The following MTMR3 variants were observed in gnomAD, a reference collection of about 807,000 sequenced individuals.
The protein encoded by MTMR3 is phosphatidylinositol-3,5-bisphosphate 3-phosphatase MTMR3.
A neutral mutation model predicts 132.4 loss-of-function variants in MTMR3; 32 were observed. That is an observed-to-expected ratio of 0.24 (90% CI 0.18 to 0.32). The LOEUF (loss-of-function observed/expected upper bound fraction) is 0.32. MTMR3 is among the 10% of genes least tolerant of loss of function. The pLI is 1.00. For synonymous variants in MTMR3, 556 were observed against 550.3 expected (o/e 1.01, Z -0.14); for missense variants, 1,216 against 1,489.6 (o/e 0.82, Z 3.02).
At chr22:30,018,148 T>G in intron 16 of MTMR3, 76 bp downstream of exon 16, 1 of 1,422,176 alleles carries the variant, frequency 7.0e-7, no homozygotes, top group Non-Finnish European at 9.3e-7. Flanking sequence ...GCAGGGATGG[T>G]CAGAGATCAT....
At chr22:29,907,200 A>T (rs896275167) in intron 1 of MTMR3, among the ~76,000 whole-genome samples, 2 of 152,008 alleles carry the variant, frequency 1.3e-5, no homozygotes, top group African/African-American at 4.8e-5. Context: ...GGAGATCGAG[A>T]CCATCCTGGC....
chr22:29,974,405 C>A (rs1395797294), intron 3 of MTMR3, among the ~76,000 whole-genome samples: 1 of 152,192 alleles, frequency 6.6e-6, no homozygotes, highest in Non-Finnish European at 1.5e-5. Context: ...GGATTAAATG[C>A]ATTTTTGTGT....
At chr22:29,987,318 T>G (rs4820825) in intron 5 of MTMR3, 9,040 of 152,262 alleles carry the variant, frequency 0.059, 505 homozygotes, top group South Asian at 0.24. Flanking sequence ...GCAGGAAGCT[T>G]GTTCCTGAAA....
At chr22:29,922,758 A>G (rs2065441336) in intron 1 of MTMR3, among the ~76,000 whole-genome samples, 1 of 152,066 alleles carries the variant, frequency 6.6e-6, no homozygotes, top group South Asian at 2.1e-4. Flanking sequence ...GTACCATTTT[A>G]CATTCCTACC....
rs191246945 is a variant in MTMR3, at chr22:29,923,156, C to T, written c.-137-33880C>T. On this transcript the variant is annotated intron_variant, in intron 1 of 19. Coordinates refer to ENST00000401950, the MANE Select transcript of MTMR3 (RefSeq NM_021090.4). Reference sequence around the variant, plus strand: ...TCCTGGGTTCACGCCATTCTCCTGCCTCAGCCTCCTGAGTAGCTGGGACTA... The same window carrying T: ...TCCTGGGTTCACGCCATTCTCCTGCTTCAGCCTCCTGAGTAGCTGGGACTA... Among the ~76,000 whole-genome samples the T allele has an allele frequency of 1.9e-4, 29 of 151,972 alleles. No individual in the cohort carries two copies. The East Asian group carries it at 5.0e-3, about 26-fold the overall frequency.
At chr22:30,016,220 C>G in intron 14 of MTMR3, 1 of 290,382 alleles carries the variant, frequency 3.4e-6, no homozygotes. Flanking sequence ...TGTACACTGA[C>G]GTGCTCCTGC....
intron 1 of MTMR3, among the ~76,000 whole-genome samples, chr22:29,884,580 T>TTAA (rs1246201718): frequency 1.3e-5 from 1 of 77,476 alleles, no homozygotes; most frequent in Non-Finnish European, 2.6e-5. Flanking sequence ...TTTTTTTTTT[T>TTAA]AAGACAGAAT....
intron 1 of MTMR3, among the ~76,000 whole-genome samples, chr22:29,943,261 C>A (rs563091207): frequency 3.4e-4 from 52 of 151,664 alleles, no homozygotes; most frequent in Non-Finnish European, 6.2e-4. Context: ...GGCGCCATCT[C>A]GGCTCACTGC....
intron 1 of MTMR3, among the ~76,000 whole-genome samples, chr22:29,943,963 A>G (rs1034444638): frequency 2.0e-5 from 3 of 152,020 alleles, no homozygotes. Flanking sequence ...AGCTGGGACT[A>G]CAGGTATGCA....
Position 30,007,331 on chromosome 22 carries a change from C to T in MTMR3, c.877+12C>T, listed in dbSNP as rs892905064. 1 of 1,612,294 alleles carries T rather than the reference C, an allele frequency of 6.2e-7. No homozygotes were observed. Among genetic ancestry groups the T allele is most frequent in the Non-Finnish European group, 8.5e-7 (1 of 1,178,602 alleles). On this transcript the variant is annotated intron_variant, in intron 10 of 19. Transcript: ENST00000401950. ...TGACGTGGAGTTCGGTAAGGTGCTCCCTGGACCCATGGCAATGATTTTTAT... is the reference window on the plus strand; with the variant it reads ...TGACGTGGAGTTCGGTAAGGTGCTCTCTGGACCCATGGCAATGATTTTTAT...
chr22:29,977,489 A>G (rs1428881899), intron 3 of MTMR3, among the ~76,000 whole-genome samples: 2 of 152,222 alleles, frequency 1.3e-5, no homozygotes, highest in Non-Finnish European at 2.9e-5. Flanking sequence ...ACAGAAATCT[A>G]TTTTGTAATA....
chr22:29,930,841 A>G (rs907459803), intron 1 of MTMR3, among the ~76,000 whole-genome samples: 8 of 152,194 alleles, frequency 5.3e-5, no homozygotes, highest in African/African-American at 1.9e-4. Flanking sequence ...CTCTACAAAA[A>G]TATAAAAATA....
chr22:29,935,917 T>C (rs1407438199), intron 1 of MTMR3, among the ~76,000 whole-genome samples: 1 of 151,988 alleles, frequency 6.6e-6, no homozygotes, highest in Non-Finnish European at 1.5e-5. Context: ...CACGCCTGGC[T>C]AATTTTTAGT....
chr22:29,921,501 T>G (rs1164278751), intron 1 of MTMR3, among the ~76,000 whole-genome samples: 1 of 150,204 alleles, frequency 6.7e-6, no homozygotes, highest in Non-Finnish European at 1.5e-5. Context: ...TCTTATTACT[T>G]TTTAATGGAT....
In MTMR3 at chr22:30,028,740, TACAAAC is replaced by T. The variant is rs1392873671; in HGVS notation, c.*2945_*2950del. 3 of 152,336 alleles carry T rather than the reference TACAAAC, an allele frequency of 2.0e-5. No individual in the cohort carries two copies. Among genetic ancestry groups the T allele is most frequent in the Non-Finnish European group, 2.9e-5 (2 of 68,040 alleles). 9.4% of individuals were successfully genotyped at this position (152,336 alleles called of 1,614,324 possible). Reference sequence around the variant, plus strand: ...CTGAATGTACCTTCTACCTAAAGTATACAAACACAAAGAGCCAGCTGAGCTGGTTCT... The same window carrying T: ...CTGAATGTACCTTCTACCTAAAGTATACAAAGAGCCAGCTGAGCTGGTTCT... On this transcript the variant is annotated 3_prime_UTR_variant, in exon 20 of 20. Transcript: ENST00000401950.
chr22:29,894,139 T>TC (rs1307776914), intron 1 of MTMR3, among the ~76,000 whole-genome samples: 1 of 152,128 alleles, frequency 6.6e-6, no homozygotes, highest in Non-Finnish European at 1.5e-5. Flanking sequence ...GCCACCACGC[T>TC]CAGCCAAAAA....
chr22:29,901,594 T>C (rs1380511998), intron 1 of MTMR3, among the ~76,000 whole-genome samples: 1 of 152,238 alleles, frequency 6.6e-6, no homozygotes, highest in Non-Finnish European at 1.5e-5. Flanking sequence ...CTTTCTATAG[T>C]CAGCCCATTT....
At chr22:29,989,533 G>A (rs1334446694) in intron 6 of MTMR3, 1 of 152,012 alleles carries the variant, frequency 6.6e-6, no homozygotes, top group Non-Finnish European at 1.5e-5. Context: ...GGCCAATCTG[G>A]AACATTTTCT....
At chr22:29,907,494 C>G (rs185322724) in intron 1 of MTMR3, among the ~76,000 whole-genome samples, 1 of 151,870 alleles carries the variant, frequency 6.6e-6, no homozygotes, top group Non-Finnish European at 1.5e-5. Context: ...CCCCCTTCAC[C>G]GATAGTTGAT....
Sources: allele counts gnomAD v4.1 joint callset (sites outside exome capture counted in the v4.1 genomes callset), GRCh38; gene constraint gnomAD v4.1.1; transcripts MANE v1.5; gene names NCBI Gene and HGNC (gene_info 2026-07-23, HGNC 2026-07-21).